SCD5: variants seen among roughly 807,000 people sequenced by gnomAD.
SCD5 encodes the protein acyl-CoA-desaturase 4.
Under a neutral mutation model 30.4 loss-of-function variants are expected in SCD5, and 20 were observed. The observed-to-expected ratio is 0.66, with a 90% confidence interval of 0.46 to 0.96. The LOEUF is 0.96. Among genes scored for constraint, SCD5 ranks in the 40% least tolerant of loss-of-function variants. The probability of loss-of-function intolerance (pLI) is 0.00; values close to 1 mark genes in which losing one functional copy is unlikely to be tolerated. For synonymous variants in SCD5, 173 were observed against 176.4 expected (o/e 0.98, Z 0.16); for missense variants, 381 against 443.3 (o/e 0.86, Z 1.26).
At chr4:82,709,906 T>A (rs1720047646) in intron 1 of SCD5, among the ~76,000 whole-genome samples, 1 of 152,236 alleles carries the variant, frequency 6.6e-6, no homozygotes, top group African/African-American at 2.4e-5. Flanking sequence ...GCTGTCACTT[T>A]ACCAATGTAC....
At chr4:82,729,314 T>C (rs541077782) in intron 1 of SCD5, among the ~76,000 whole-genome samples, 214 of 152,180 alleles carry the variant, frequency 1.4e-3, no homozygotes, top group African/African-American at 4.9e-3. Flanking sequence ...CCTATGGTGG[T>C]GAGGAGGGCC....
At chr4:82,649,390 A>C (rs1034991149) in intron 3 of SCD5, among the ~76,000 whole-genome samples, 9 of 152,184 alleles carry the variant, frequency 5.9e-5, no homozygotes, top group African/African-American at 2.2e-4. Context: ...AAGAATTTGT[A>C]ATTATAATAA....
intron 1 of SCD5, among the ~76,000 whole-genome samples, chr4:82,777,253 G>A (rs1263053252): frequency 2.6e-5 from 4 of 152,246 alleles, no homozygotes; most frequent in Non-Finnish European, 5.9e-5. Flanking sequence ...CAGCCAGAAA[G>A]TCTCTGAGAA....
chr4:82,774,236 A>C lies in SCD5; in HGVS notation c.232+24070T>G, dbSNP rs532159334. On this transcript the variant is annotated intron_variant, in intron 1 of 4. Transcript: ENST00000319540. ...AACACTGCAACAACAACGAAAAACA[A>C]CCTAAATTTTCAACAATAGGGGGTT... 2.0e-5 allele frequency among the ~76,000 whole-genome samples: 3 copies of C among 151,550 alleles called. No homozygotes were observed. The East Asian group carries it at 5.8e-4, about 29-fold the overall frequency.
At chr4:82,726,573 A>G (rs1252351204) in intron 1 of SCD5, among the ~76,000 whole-genome samples, 1 of 144,098 alleles carries the variant, frequency 6.9e-6, no homozygotes, top group Admixed American at 6.9e-5. Context: ...TTTTTTTTTA[A>G]ATAGAGACCT....
At chr4:82,656,266 C>G (rs560276960) in intron 3 of SCD5, among the ~76,000 whole-genome samples, 35 of 152,162 alleles carry the variant, frequency 2.3e-4, no homozygotes, top group African/African-American at 8.2e-4. Context: ...CCACAACCCC[C>G]CAACAGGCCA....
At position 82,798,402 on chromosome 4, in the gene SCD5, C is replaced by A; in HGVS notation, c.136G>T (p.Val46Phe). The A allele has an allele frequency of 6.2e-7, 1 of 1,613,496 alleles. No individual in the cohort carries two copies. The highest frequency in any genetic ancestry group is 8.5e-7 in the Non-Finnish European group (1 of 1,179,690). ...CTCATCAGGACGACATTCCTCCAGACGATGTTCTGCCGCTGCCCGCGCGCG... is the reference window on the plus strand; with the variant it reads ...CTCATCAGGACGACATTCCTCCAGAAGATGTTCTGCCGCTGCCCGCGCGCG... ...PGARGQRQNI[V>F]WRNVVLMSLL... Residue 46 changes from valine to phenylalanine, a missense_variant, in exon 1 of 5, where the codon GTC becomes TTC. Coordinates refer to ENST00000319540, the MANE Select transcript of SCD5 (RefSeq NM_001037582.3).
intron 1 of SCD5, among the ~76,000 whole-genome samples, chr4:82,749,284 T>C (rs1431704134): frequency 6.6e-6 from 1 of 152,198 alleles, no homozygotes; most frequent in East Asian, 1.9e-4. Context: ...AAAGTCTATT[T>C]ATTCAGGCCT....
intron 1 of SCD5, among the ~76,000 whole-genome samples, chr4:82,759,974 C>T (rs2148845603): frequency 6.6e-6 from 1 of 152,246 alleles, no homozygotes; most frequent in South Asian, 2.1e-4. Context: ...TCTGTTCCTT[C>T]CCAGCATCTA....
At chr4:82,649,180 G>GGTGTGT (rs55991339) in intron 3 of SCD5, among the ~76,000 whole-genome samples, 36 of 144,120 alleles carry the variant, frequency 2.5e-4, no homozygotes, top group Admixed American at 7.0e-4. Flanking sequence ...GGGTGAGAGG[G>GGTGTGT]GTGTGTGTGT....
chr4:82,756,769 CACA>C (rs747224353), intron 1 of SCD5, among the ~76,000 whole-genome samples: 150 of 151,800 alleles, frequency 9.9e-4, no homozygotes, highest in Non-Finnish European at 2.1e-4. Flanking sequence ...CTAGAACCAA[CACA>C]ACATCTCCCT....
intron 1 of SCD5, chr4:82,753,500 C>T (rs1721152551): frequency 8.6e-6 from 4 of 464,004 alleles, no homozygotes; most frequent in South Asian, 1.5e-5. Context: ...CCATTTCCCA[C>T]ATCTGCCAGG....
At chr4:82,753,754 C>T (rs529559961) in intron 1 of SCD5, among the ~76,000 whole-genome samples, 1 of 152,264 alleles carries the variant, frequency 6.6e-6, no homozygotes, top group East Asian at 1.9e-4. Context: ...TTTCCCCTGA[C>T]TCCAGTTTAT....
chr4:82,768,939 A>T (rs2148847847), intron 1 of SCD5, among the ~76,000 whole-genome samples: 1 of 147,786 alleles, frequency 6.8e-6, no homozygotes, highest in East Asian at 1.9e-4. Context: ...TTGAAACCTA[A>T]GACTTTTTTT....
At chr4:82,754,817 T>C (rs1416075838) in intron 1 of SCD5, among the ~76,000 whole-genome samples, 1 of 152,168 alleles carries the variant, frequency 6.6e-6, no homozygotes, top group Non-Finnish European at 1.5e-5. Flanking sequence ...CTGGGATCTG[T>C]GAGGCTGACC....
At chr4:82,766,648 T>C (rs1201693399) in intron 1 of SCD5, among the ~76,000 whole-genome samples, 1 of 152,246 alleles carries the variant, frequency 6.6e-6, no homozygotes, top group African/African-American at 2.4e-5. Context: ...TAATTTTTTA[T>C]TGGATATCAG....
Position 82,664,246 on chromosome 4 carries a change from C to T in SCD5, c.569+16461G>A, listed in dbSNP as rs944276888. On this transcript the variant is annotated intron_variant, in intron 3 of 4. Transcript: ENST00000319540. Reference sequence around the variant, plus strand: ...TGTGGTGCACTAAGGATAATAATAGCAGCAGTAAAATCTAAACTCAGCTCA... The same window carrying T: ...TGTGGTGCACTAAGGATAATAATAGTAGCAGTAAAATCTAAACTCAGCTCA... 9.2e-5 allele frequency among the ~76,000 whole-genome samples: 14 copies of T among 152,302 alleles called. No homozygotes were observed. The East Asian group carries it at 2.1e-3, about 23-fold the overall frequency.
chr4:82,763,007 A>C (rs1279090980), intron 1 of SCD5, among the ~76,000 whole-genome samples: 1 of 152,000 alleles, frequency 6.6e-6, no homozygotes, highest in Non-Finnish European at 1.5e-5. Flanking sequence ...CCTCACTGTC[A>C]TCCTAAGGTC....
chr4:82,631,961 G>C (rs1356858583), intron 4 of SCD5, among the ~76,000 whole-genome samples: 1 of 152,016 alleles, frequency 6.6e-6, no homozygotes, highest in African/African-American at 2.4e-5. Flanking sequence ...TATCTAGAAT[G>C]TACTTATATA....
Sources: gnomAD v4.1 joint callset for allele counts (sites outside exome capture counted in the v4.1 genomes callset) on GRCh38, gnomAD v4.1.1 for gene constraint, MANE v1.5 for transcripts, NCBI Gene and HGNC (gene_info 2026-07-23, HGNC 2026-07-21) for gene names.